The following PALLD variants were observed in gnomAD, a reference collection of about 807,000 sequenced individuals.
PALLD encodes the protein palladin.
A neutral mutation model predicts 123.5 loss-of-function variants in PALLD; 61 were observed. That is an observed-to-expected ratio of 0.49 (90% CI 0.40 to 0.61). PALLD has a LOEUF of 0.61. Ranked by LOEUF, PALLD falls within the 20% of genes least tolerant of loss-of-function variation. PALLD has a pLI of 0.00. For missense variants in PALLD, 1,273 were observed against 1,377.0 expected (o/e 0.92, Z 1.20); for synonymous variants, 465 against 496.4 (o/e 0.94, Z 0.84).
At chr4:168,733,001 T>G (rs1581191703) in intron 10 of PALLD, among the ~76,000 whole-genome samples, 1 of 152,200 alleles carries the variant, frequency 6.6e-6, no homozygotes, top group Non-Finnish European at 1.5e-5. Flanking sequence ...AACTTGTGGT[T>G]AAAAGAAATG....
chr4:168,532,352 T>C (rs185199162), intron 2 of PALLD, among the ~76,000 whole-genome samples: 97 of 152,290 alleles, frequency 6.4e-4, no homozygotes, highest in Middle Eastern at 3.4e-3. Context: ...ATACCAGTCA[T>C]CCTAAGTCTT....
At chr4:168,763,344 C>T (rs1342402880) in intron 10 of PALLD, among the ~76,000 whole-genome samples, 1 of 152,114 alleles carries the variant, frequency 6.6e-6, no homozygotes, top group African/African-American at 2.4e-5. Context: ...TAATTAGAAT[C>T]TTCCATTTCA....
intron 10 of PALLD, among the ~76,000 whole-genome samples, chr4:168,781,216 G>C (rs13134292): frequency 6.6e-6 from 1 of 151,950 alleles, no homozygotes; most frequent in Non-Finnish European, 1.5e-5. Context: ...AAAATTAGGA[G>C]AATTACTGGA....
chr4:168,636,840 A>G (rs1293665952), intron 2 of PALLD, among the ~76,000 whole-genome samples: 1 of 152,208 alleles, frequency 6.6e-6, no homozygotes, highest in Non-Finnish European at 1.5e-5. Flanking sequence ...GAGGAGCTAC[A>G]GAGCCAGTGC....
intron 2 of PALLD, among the ~76,000 whole-genome samples, chr4:168,524,366 T>C (rs949754346): frequency 1.3e-5 from 2 of 152,206 alleles, no homozygotes; most frequent in African/African-American, 4.8e-5. Flanking sequence ...TACTAAGATA[T>C]GAATAGTTTA....
At chr4:168,885,536 G>C (rs1753219341) in intron 10 of PALLD, 1 of 152,130 alleles carries the variant, frequency 6.6e-6, no homozygotes, top group Non-Finnish European at 1.5e-5. Context: ...GTAAATAATT[G>C]CCCACTGGAA....
intron 5 of PALLD, 132 bp downstream of exon 5, chr4:168,683,235 G>A (rs1688625893): frequency 1.7e-6 from 1 of 574,214 alleles, no homozygotes; most frequent in South Asian, 2.4e-5. Context: ...AAAATTCAGA[G>A]CAAAGAAAAT....
At chr4:168,701,441 G>A (rs1783658603) in intron 8 of PALLD, among the ~76,000 whole-genome samples, 1 of 152,198 alleles carries the variant, frequency 6.6e-6, no homozygotes, top group Non-Finnish European at 1.5e-5. Context: ...TATTAAGAGA[G>A]CCCTCTGATT....
intron 2 of PALLD, among the ~76,000 whole-genome samples, chr4:168,618,792 G>A (rs1246761019): frequency 6.6e-6 from 1 of 152,170 alleles, no homozygotes; most frequent in African/African-American, 2.4e-5. Context: ...AATACTGACT[G>A]CTATCAAATA....
At chr4:168,594,314 G>A (rs1372242057) in intron 2 of PALLD, among the ~76,000 whole-genome samples, 4 of 152,072 alleles carry the variant, frequency 2.6e-5, no homozygotes, top group African/African-American at 4.8e-5. Context: ...TACAAGCAAG[G>A]CATGTGAAAG....
rs1560839415 is a variant in PALLD at position 168,878,091 on chromosome 4, C to CGCCCTTCGCGCA, written c.1965-12822_1965-12811dup. ...AGGCAGTTCGGCCGCGCCCCCGTGC[C>CGCCCTTCGCGCA]GCCCTTCGCGCAGCCCTTCGGCGCT... On this transcript the variant is annotated intron_variant, in intron 10 of 21. Transcript: ENST00000505667. 1 of 1,443,248 alleles carries CGCCCTTCGCGCA rather than the reference C, an allele frequency of 6.9e-7. No individual in the cohort carries two copies. The allele number at this position is 1,443,248 out of a possible 1,614,324, so 89.4% of individuals were successfully genotyped here.
intron 2 of PALLD, chr4:168,631,952 G>A: frequency 5.2e-6 from 5 of 967,478 alleles, no homozygotes; most frequent in Non-Finnish European, 6.1e-6. Flanking sequence ...AAGCTTTGCA[G>A]CCTTTCCAGG....
chr4:168,751,024 T>C (rs1427238991), intron 10 of PALLD, among the ~76,000 whole-genome samples: 3 of 151,720 alleles, frequency 2.0e-5, no homozygotes, highest in Non-Finnish European at 4.4e-5. Flanking sequence ...GTATTTTTTT[T>C]TTTTTGAGAT....
At chr4:168,891,415 C>A (rs1184465190) in intron 11 of PALLD, among the ~76,000 whole-genome samples, 1 of 152,174 alleles carries the variant, frequency 6.6e-6, no homozygotes, top group East Asian at 1.9e-4. Context: ...CCCGCCTTGG[C>A]CTCCCAAAGT....
chr4:168,599,975 ATATATACATACATGTGTATACACACACG>A lies in PALLD; in HGVS notation c.909-68197_909-68170del, dbSNP rs1170255696. On this transcript the variant is annotated intron_variant, in intron 2 of 21. Coordinates refer to ENST00000505667, the MANE Select transcript of PALLD (RefSeq NM_001166108.2). Reference sequence around the variant, plus strand: ...ATATGTGTGTATTGTATACACACACATATATACATACATGTGTATACACACACGTATATACATACATGTGTGTACACAC... The same window carrying A: ...ATATGTGTGTATTGTATACACACACATATATACATACATGTGTGTACACAC... Among the ~76,000 whole-genome samples the A allele has an allele frequency of 1.5e-3, 223 of 151,154 alleles. 3 individuals carry two copies. Among genetic ancestry groups the A allele is most frequent in the African/African-American group, 2.1e-3 (85 of 41,424 alleles).
intron 10 of PALLD, among the ~76,000 whole-genome samples, chr4:168,746,129 C>T (rs566389829): frequency 1.3e-5 from 2 of 152,046 alleles, no homozygotes; most frequent in African/African-American, 4.8e-5. Flanking sequence ...GAATCAGAAT[C>T]TCTAGTTCAA....
intron 10 of PALLD, among the ~76,000 whole-genome samples, chr4:168,880,809 A>G (rs544756876): frequency 3.3e-5 from 5 of 152,372 alleles, no homozygotes; most frequent in African/African-American, 9.6e-5. Flanking sequence ...TTGGTTGATT[A>G]TATGTAACAC....
intron 10 of PALLD, among the ~76,000 whole-genome samples, chr4:168,818,080 C>T (rs111872554): frequency 1.3e-5 from 2 of 152,188 alleles, no homozygotes; most frequent in Admixed American, 1.3e-4. Context: ...ACCTGCCCCC[C>T]ACTTAAACTG....
chr4:168,546,392 G>T (rs1224642613), intron 2 of PALLD, among the ~76,000 whole-genome samples: 2 of 146,024 alleles, frequency 1.4e-5, no homozygotes, highest in Non-Finnish European at 3.0e-5. Flanking sequence ...AGCTTTCCTT[G>T]CCTCCCCCAA....
Sources: allele counts gnomAD v4.1 joint callset (sites outside exome capture counted in the v4.1 genomes callset), GRCh38; gene constraint gnomAD v4.1.1; transcripts MANE v1.5; gene names NCBI Gene and HGNC (gene_info 2026-07-23, HGNC 2026-07-21).